INPP4B: variants seen among roughly 807,000 people sequenced by gnomAD.
The protein encoded by INPP4B is inositol polyphosphate-4-phosphatase type II B.
INPP4B carries 55 observed loss-of-function variants against 122.5 expected under a neutral mutation model. The observed-to-expected ratio is 0.45, with a 90% confidence interval of 0.36 to 0.56. The LOEUF (loss-of-function observed/expected upper bound fraction) is 0.56, where lower values mean the gene tolerates loss of function less well. INPP4B is among the 20% of genes least tolerant of loss of function. The pLI is 0.00. For missense variants in INPP4B, 1,000 were observed against 1,097.7 expected (o/e 0.91, Z 1.26); for synonymous variants, 403 against 388.7 (o/e 1.04, Z -0.43).
chr4:142,285,558 C>T (rs1753266999), intron 9 of INPP4B, among the ~76,000 whole-genome samples: 2 of 72,898 alleles, frequency 2.7e-5, no homozygotes, highest in Admixed American at 2.4e-4. Flanking sequence ...TCAGAGGATG[C>T]CTATCCTATA....
At chr4:142,337,566 A>G (rs1777097165) in intron 7 of INPP4B, among the ~76,000 whole-genome samples, 1 of 149,856 alleles carries the variant, frequency 6.7e-6, no homozygotes, top group Non-Finnish European at 1.5e-5. Flanking sequence ...CCAAATGTTT[A>G]CTGGCCATTT....
chr4:142,604,858 G>T (rs536353981), intron 2 of INPP4B, among the ~76,000 whole-genome samples: 1 of 152,106 alleles, frequency 6.6e-6, no homozygotes, highest in Admixed American at 6.5e-5. Flanking sequence ...CACAGAATTA[G>T]AAAAAACAAT....
intron 7 of INPP4B, among the ~76,000 whole-genome samples, chr4:142,330,182 C>A (rs1297856874): frequency 1.3e-5 from 2 of 151,914 alleles, no homozygotes; most frequent in African/African-American, 4.8e-5. Flanking sequence ...ATTCAAAGAC[C>A]CATGAAGAGC....
At chr4:142,208,827 ATT>A in intron 13 of INPP4B, 67 bp downstream of exon 13, 10 of 1,097,872 alleles carry the variant, frequency 9.1e-6, no homozygotes, top group Admixed American at 2.7e-5. Flanking sequence ...TCTATTTATT[ATT>A]TTTTTTTTCA....
At chr4:142,368,125 C>T (rs1290917877) in intron 7 of INPP4B, among the ~76,000 whole-genome samples, 4 of 152,076 alleles carry the variant, frequency 2.6e-5, no homozygotes, top group African/African-American at 9.7e-5. Flanking sequence ...TATAAAATAA[C>T]TCATTAAAAT....
chr4:142,029,306 G>A (rs1387544801), intron 25 of INPP4B: 1 of 985,148 alleles, frequency 1.0e-6, no homozygotes, highest in Non-Finnish European at 1.2e-6. Context: ...GCAGGTTCTA[G>A]AAATAAGGCA....
intron 9 of INPP4B, among the ~76,000 whole-genome samples, chr4:142,283,761 T>C (rs1211692493): frequency 2.0e-5 from 3 of 152,130 alleles, no homozygotes; most frequent in South Asian, 2.1e-4. Context: ...ATGTGATGCA[T>C]CGCATATAGG....
In INPP4B at chr4:142,405,254, G is replaced by C; in HGVS notation, c.207C>G (p.His69Gln). 6.2e-7 allele frequency: 1 copy of C among 1,613,588 alleles called. No homozygotes were observed. Among genetic ancestry groups the C allele is most frequent in the African/African-American group, 1.3e-5 (1 of 74,958 alleles). ...LNTLVQISVI[H>Q]PVEQSLTRYS... is the part of the protein sequence containing the mutation. The stretch of plus-strand genomic sequence containing the variant: ...ATCTTGTCAGACTCTGCTCCACGGG[G>C]TGGATTACGGAGATCTGCACCAGTG... Residue 69 changes from histidine (H) to glutamine (Q), a missense_variant, in exon 6 of 26, where the codon CAC becomes CAG. Physicochemically the swap from His to Gln is conservative, Grantham distance 24. Transcript: ENST00000262992.
chr4:142,164,737 A>T (rs1320164498), intron 16 of INPP4B, among the ~76,000 whole-genome samples: 1 of 151,452 alleles, frequency 6.6e-6, no homozygotes, highest in East Asian at 1.9e-4. Flanking sequence ...TTATTATTTT[A>T]TCTTACTTTT....
intron 12 of INPP4B, among the ~76,000 whole-genome samples, chr4:142,211,067 T>A (rs1844667177): frequency 6.6e-6 from 1 of 152,150 alleles, no homozygotes; most frequent in Admixed American, 6.5e-5. Context: ...TTCTAAGAGA[T>A]GACAGTAAAA....
At chr4:142,598,635 C>T (rs1220639726) in intron 2 of INPP4B, among the ~76,000 whole-genome samples, 1 of 152,122 alleles carries the variant, frequency 6.6e-6, no homozygotes, top group Non-Finnish European at 1.5e-5. Flanking sequence ...AATTGCAGCC[C>T]CTAGGGCAAA....
At chr4:142,256,061 T>C (rs1272765264) in intron 11 of INPP4B, among the ~76,000 whole-genome samples, 7 of 150,576 alleles carry the variant, frequency 4.6e-5, no homozygotes, top group Non-Finnish European at 7.4e-5. Flanking sequence ...CACTCAAAAC[T>C]GCTCAACTAC....
At chr4:142,560,167 T>A (rs1730137732) in intron 2 of INPP4B, among the ~76,000 whole-genome samples, 1 of 152,178 alleles carries the variant, frequency 6.6e-6, no homozygotes, top group Admixed American at 6.5e-5. Flanking sequence ...TATAGTGAGA[T>A]CTAATCCTCA....
intron 3 of INPP4B, among the ~76,000 whole-genome samples, chr4:142,437,340 G>C (rs558430581): frequency 6.6e-6 from 1 of 152,082 alleles, no homozygotes; most frequent in African/African-American, 2.4e-5. Context: ...AAGGAGAGTG[G>C]AACCAAGTTG....
chr4:142,442,585 A>G (rs1251288795), intron 3 of INPP4B, among the ~76,000 whole-genome samples: 1 of 152,180 alleles, frequency 6.6e-6, no homozygotes, highest in Non-Finnish European at 1.5e-5. Context: ...TTTAGGATGT[A>G]CAAAGATATA....
intron 1 of INPP4B, among the ~76,000 whole-genome samples, chr4:142,818,583 G>A (rs1264861313): frequency 6.6e-6 from 1 of 152,074 alleles, no homozygotes; most frequent in African/African-American, 2.4e-5. Context: ...TGACAATATA[G>A]AAAGGAAATT....
At chr4:142,281,566 T>A (rs1751229346) in intron 9 of INPP4B, among the ~76,000 whole-genome samples, 2 of 152,000 alleles carry the variant, frequency 1.3e-5, no homozygotes, top group Non-Finnish European at 2.9e-5. Context: ...CTTTTGGGTT[T>A]TATGTCTTTT....
chr4:142,395,667 C>A (rs1375359314), intron 7 of INPP4B, among the ~76,000 whole-genome samples: 1 of 152,084 alleles, frequency 6.6e-6, no homozygotes, highest in African/African-American at 2.4e-5. Flanking sequence ...AAACGTTCAT[C>A]AGTATATGAG....
Position 142,720,216 on chromosome 4 carries a change from G to C in INPP4B, c.-191+5623C>G, listed in dbSNP as rs184941358. On this transcript the variant is annotated intron_variant, in intron 2 of 25. Transcript: ENST00000262992. ...TTTTATGCCTGCACTCCTACTCTTT[G>C]TACGGCAAAAAAAATAGTTCTTAAA... 2.0e-5 allele frequency among the ~76,000 whole-genome samples: 3 copies of C among 152,036 alleles called. No homozygotes were observed. The South Asian group carries it at 6.2e-4, about 31-fold the overall frequency.
Sources: gnomAD v4.1 joint callset for allele counts (sites outside exome capture counted in the v4.1 genomes callset) on GRCh38, gnomAD v4.1.1 for gene constraint, MANE v1.5 for transcripts, NCBI Gene and HGNC (gene_info 2026-07-23, HGNC 2026-07-21) for gene names.